TMEM216: variants seen among roughly 807,000 people sequenced by gnomAD.
The protein encoded by TMEM216 is transmembrane protein 216, also known as cerebello-oculo-renal syndrome 2.
A neutral mutation model predicts 17.8 loss-of-function variants in TMEM216; 15 were observed. The observed-to-expected ratio is 0.84, with a 90% CI of 0.56 to 1.30. The LOEUF is 1.30. TMEM216 is among the 50% of genes most tolerant of loss of function. TMEM216 has a pLI of 0.00. For missense variants in TMEM216, 160 were observed against 175.7 expected, an observed-to-expected ratio of 0.91 and a Z score of 0.51; for synonymous variants, 58 against 73.5, an observed-to-expected ratio of 0.79 and a Z score of 1.08.
Position 61,397,819 on chromosome 11 carries a change from G to C in TMEM216, c.275G>C (p.Ser92Thr). 6.2e-7 allele frequency: 1 copy of C among 1,613,900 alleles called. No homozygotes were observed. Among genetic ancestry groups the C allele is most frequent in the Non-Finnish European group, 8.5e-7 (1 of 1,179,904 alleles). The change falls in exon 4 of 5, where the codon AGC becomes ACC. Residue 92 changes from serine to threonine, a missense_variant. By Grantham distance (58) the Ser-to-Thr change is moderately conservative. Transcript: ENST00000515837. ...CAGCGAAAGATGCCGCTCAGTATTA[G>C]CGTGGCCTTGACCTTCCCATCTGCC... is the stretch of plus-strand genomic sequence containing the variant. ...LCQRKMPLSI[S>T]VALTFPSAMM... is the part of the protein sequence containing the mutation.
At chr11:61,394,592 C>T (rs1036213287) in intron 3 of TMEM216, among the ~76,000 whole-genome samples, 1 of 151,632 alleles carries the variant, frequency 6.6e-6, no homozygotes, top group Non-Finnish European at 1.5e-5. Context: ...TGGTCTCGAT[C>T]TCTTGACCTT....
intron 3 of TMEM216, among the ~76,000 whole-genome samples, chr11:61,395,391 A>G (rs570498309): frequency 6.6e-6 from 1 of 152,308 alleles, no homozygotes; most frequent in Admixed American, 6.5e-5. Context: ...TACTTGCAAC[A>G]TATAAGAAAG....
At chr11:61,393,384 G>C in intron 2 of TMEM216, 52 bp downstream of exon 2, 4 of 1,264,136 alleles carry the variant, frequency 3.2e-6, no homozygotes, top group Non-Finnish European at 4.4e-6. Flanking sequence ...CTTCAGCTCA[G>C]AGCCAATTCC....
chr11:61,394,575 G>T (rs1858757905), intron 3 of TMEM216, among the ~76,000 whole-genome samples: 1 of 151,682 alleles, frequency 6.6e-6, no homozygotes, highest in African/African-American at 2.4e-5. Context: ...CACCATGTTG[G>T]CCAGGATGGT....
chr11:61,398,038 T>C, intron 4 of TMEM216, 63 bp downstream of exon 4: 3 of 1,583,470 alleles, frequency 1.9e-6, no homozygotes, highest in Non-Finnish European at 2.6e-6. Flanking sequence ...CAGGGAGGGA[T>C]TCAGTATTCT....
Position 61,392,608 on chromosome 11 carries a change from C to T in TMEM216, c.-24C>T, listed in dbSNP as rs59493015. ...CCCTGTTTCCGGCAGCGCCGCGCTG[C>T]TCCGGGAGCCGCTGTGGCAGCGTAT... On this transcript the variant is annotated 5_prime_UTR_variant, in exon 1 of 5. Coordinates refer to ENST00000515837, the MANE Select transcript of TMEM216 (RefSeq NM_001173990.3). 4.2e-4 allele frequency: 639 copies of T among 1,535,426 alleles called. 2 individuals carry two copies. Among genetic ancestry groups the T allele is most frequent in the Middle Eastern group, 5.2e-4 (3 of 5,784 alleles).
At chr11:61,393,705 A>G (rs1196329856) in intron 2 of TMEM216, among the ~76,000 whole-genome samples, 179 bp from the exon 3 acceptor site, 2 of 152,226 alleles carry the variant, frequency 1.3e-5, no homozygotes, top group Non-Finnish European at 2.9e-5. Context: ...GTAAAACACC[A>G]TAATAATGAG....
intron 3 of TMEM216, among the ~76,000 whole-genome samples, chr11:61,395,125 C>T (rs1359787189): frequency 3.3e-5 from 5 of 152,064 alleles, no homozygotes; most frequent in South Asian, 2.1e-4. Context: ...CACAGGTGTG[C>T]GACATCATAC....
Position 61,393,914 on chromosome 11 carries a change from TA to T in TMEM216, c.168del (p.Val57TyrfsTer5). 1 of 1,613,978 alleles carries T rather than the reference TA, an allele frequency of 6.2e-7. No individual in the cohort carries two copies. The highest frequency in any genetic ancestry group is 1.3e-5 in the African/African-American group (1 of 75,044). ...GVLLPYPTANLVLDVVMLLLY... is the reference protein window; with the variant it reads ...GVLLPYPTANXVLDVVMLLLY... ...CTGCTACCATATCCAACAGCTAACC[TA>T]GTACTGGATGTGGTGATGCTCCTCC... On this transcript the variant is annotated frameshift_variant, in exon 3 of 5. Transcript: ENST00000515837. LOFTEE classifies it high-confidence loss of function.
rs781679437 is a variant in TMEM216, at chr11:61,397,947, G to T, written c.403G>T (p.Glu135Ter). Residue 135 changes from glutamate (E) to a stop codon, truncating the protein, a stop_gained, in exon 4 of 5, where the codon GAG becomes TAG. Transcript: ENST00000515837. LOFTEE classifies it high-confidence loss of function. ...LFFCGSELLL[E>*]VLTLAAFSRI is the part of the protein sequence containing the mutation. Reference sequence around the variant, plus strand: ...CTTCTGTGGCTCAGAGCTTTTACTTGAGGTGCTCACCTTGGCTGCTTTCTC... The same window carrying T: ...CTTCTGTGGCTCAGAGCTTTTACTTTAGGTGCTCACCTTGGCTGCTTTCTC... 6.2e-7 allele frequency: 1 copy of T among 1,613,852 alleles called. No individual in the cohort carries two copies. The highest frequency in any genetic ancestry group is 1.1e-5 in the South Asian group (1 of 91,082).
Position 61,397,857 on chromosome 11 carries a change from T to C in TMEM216, c.313T>C (p.Tyr105His). 1 of 1,614,020 alleles carries C rather than the reference T, an allele frequency of 6.2e-7. No homozygotes were observed. Among genetic ancestry groups the C allele is most frequent in the Non-Finnish European group, 8.5e-7 (1 of 1,179,896 alleles). Residue 105 changes from tyrosine (Y) to histidine (H), a missense_variant, in exon 4 of 5, where the codon TAT becomes CAT. Transcript: ENST00000515837. Reference sequence around the variant, plus strand: ...CTTCCCATCTGCCATGATGGCCTCCTATTACCTGCTGCTGCAGACCTACGT... The same window carrying C: ...CTTCCCATCTGCCATGATGGCCTCCCATTACCTGCTGCTGCAGACCTACGT... ...LTFPSAMMAS[Y>H]YLLLQTYVLR...
chr11:61,395,558 G>A (rs1303676516), intron 3 of TMEM216, among the ~76,000 whole-genome samples: 2 of 151,826 alleles, frequency 1.3e-5, no homozygotes, highest in Non-Finnish European at 2.9e-5. Context: ...TGGCCAACAT[G>A]GTGGCCGTCT....
intron 4 of TMEM216, 21 bp downstream of exon 4, chr11:61,397,996 T>C: frequency 6.2e-7 from 1 of 1,612,356 alleles, no homozygotes; most frequent in East Asian, 2.2e-5. Flanking sequence ...TGAGGGACCA[T>C]TTCTCATCAC....
At chr11:61,394,997 G>A (rs949688169) in intron 3 of TMEM216, among the ~76,000 whole-genome samples, 2 of 151,936 alleles carry the variant, frequency 1.3e-5, no homozygotes, top group Non-Finnish European at 2.9e-5. Flanking sequence ...ATTTATTTGA[G>A]ACAGGGTCTC....
intron 1 of TMEM216, 113 bp from the exon 2 acceptor site, chr11:61,393,118 G>C: frequency 1.2e-6 from 1 of 815,744 alleles, no homozygotes; most frequent in East Asian, 2.9e-5. Flanking sequence ...GCCCCTGAGT[G>C]GCCGGTCCCA....
intron 4 of TMEM216, 133 bp downstream of exon 4, chr11:61,398,108 A>C: frequency 7.2e-7 from 1 of 1,383,976 alleles, no homozygotes; most frequent in Non-Finnish European, 1.0e-6. Flanking sequence ...TGGCTATGGG[A>C]TTGCCTTTCC....
At chr11:61,395,462 G>A (rs1176808058) in intron 3 of TMEM216, among the ~76,000 whole-genome samples, 1 of 151,954 alleles carries the variant, frequency 6.6e-6, no homozygotes, top group Admixed American at 6.6e-5. Flanking sequence ...AAAATTGGCT[G>A]GGCGCAGTGG....
Position 61,393,113 on chromosome 11 carries a change from T to G in TMEM216, c.35-118T>G, listed in dbSNP as rs1858713400. ...CATTATCAGCAACCAGAAGTGCCCC[T>G]GAGTGGCCGGTCCCATTAGTTGCAG... On this transcript the variant is annotated intron_variant, in intron 1 of 4. Transcript: ENST00000515837. The G allele has an allele frequency of 5.6e-6, 3 of 538,638 alleles. No individual in the cohort carries two copies. The East Asian group carries it at 2.2e-4, about 39-fold the overall frequency. 33.4% of individuals were successfully genotyped at this position (538,638 alleles called of 1,614,324 possible).
At position 61,392,641 on chromosome 11, in the gene TMEM216, C is replaced by G. The variant is rs1024052547; in HGVS notation, c.10C>G (p.Arg4Gly). 3 of 1,535,920 alleles carry G rather than the reference C, an allele frequency of 2.0e-6. No individual in the cohort carries two copies. The African/African-American group carries it at 4.1e-5, about 21-fold the overall frequency. MLPRGLKMAPRGKR... is the reference protein window; with the variant it reads MLPGGLKMAPRGKR... ...GCCGCTGTGGCAGCGTATGCTGCCA[C>G]GGGGACTGAAGATGGCGCCGCGAGG... Residue 4 changes from arginine (R) to glycine (G), a missense_variant, in exon 1 of 5, where the codon CGG (arginine) becomes GGG (glycine). Transcript: ENST00000515837.
Sources: allele counts gnomAD v4.1 joint callset (sites outside exome capture counted in the v4.1 genomes callset), GRCh38; gene constraint gnomAD v4.1.1; transcripts MANE v1.5; gene names NCBI Gene and HGNC (gene_info 2026-07-23, HGNC 2026-07-21).